Variants in ASB2 observed in about 807,000 individuals in gnomAD.
ASB2 encodes ankyrin repeat and SOCS box containing 2.
In ASB2, 58 loss-of-function variants were observed where a neutral mutation model predicts 62.4. That is an observed-to-expected ratio of 0.93 (90% CI 0.75 to 1.16). The LOEUF (loss-of-function observed/expected upper bound fraction) is 1.16. Ranked by LOEUF, ASB2 falls within the 50% of genes most tolerant of loss-of-function variation. The pLI, the probability that ASB2 is intolerant of heterozygous loss-of-function variation, is 0.00. For missense variants in ASB2, 928 were observed against 887.9 expected, an observed-to-expected ratio of 1.05 and a Z score of -0.57; for synonymous variants, 386 against 385.3, an observed-to-expected ratio of 1.00 and a Z score of -0.02.
At chr14:93,956,674 C>T (rs1889221134) in intron 3 of ASB2, 92 bp downstream of exon 3, 1 of 1,549,428 alleles carries the variant, frequency 6.5e-7, no homozygotes, top group African/African-American at 1.4e-5. Flanking sequence ...CTCTGCCCTC[C>T]TGGGGGCTGT....
Position 93,962,154 on chromosome 14 carries a change from G to A in ASB2, c.206+2180C>T, listed in dbSNP as rs552365074. Among the ~76,000 whole-genome samples, 17 of 95,948 alleles carry A rather than the reference G, an allele frequency of 1.8e-4. No individual in the cohort carries two copies. In the East Asian group the frequency reaches 2.6e-3, roughly 15 times the overall value. 62.9% of individuals were successfully genotyped at this position (95,948 alleles called of 152,430 possible). On this transcript the variant is annotated intron_variant, in intron 2 of 9. Transcript: ENST00000555019. ...TTTTGAGATGGAGTCTCGCTCTGTC[G>A]CCCAGGCTGGAGTGCAGTGGCGGGA...
chr14:93,972,022 T>C (rs1889769346), intron 1 of ASB2, among the ~76,000 whole-genome samples: 1 of 148,256 alleles, frequency 6.7e-6, no homozygotes, highest in African/African-American at 2.4e-5. Context: ...TAGGTAATTA[T>C]ATATTTTTAT....
chr14:93,943,795 T>C (rs1471078676), intron 7 of ASB2: 2 of 365,280 alleles, frequency 5.5e-6, no homozygotes, highest in South Asian at 2.1e-5. Flanking sequence ...GTTTCTCTTT[T>C]AACTAATGGG....
chr14:93,967,565 G>A (rs1402357370), intron 1 of ASB2, among the ~76,000 whole-genome samples: 2 of 152,212 alleles, frequency 1.3e-5, no homozygotes, highest in Non-Finnish European at 2.9e-5. Context: ...TAAGGCCAAA[G>A]TGCTTTGTGA....
chr14:93,950,109 G>A (rs1888896570), intron 6 of ASB2, among the ~76,000 whole-genome samples: 1 of 152,126 alleles, frequency 6.6e-6, no homozygotes, highest in African/African-American at 2.4e-5. Context: ...CTATAAAATG[G>A]GACGAGCATA....
chr14:93,941,508 A>G (rs922616189), intron 7 of ASB2: 1 of 372,658 alleles, frequency 2.7e-6, no homozygotes, highest in African/African-American at 2.1e-5. Context: ...TAAAACCTCA[A>G]AAGGAAATTC....
chr14:93,954,433 A>G lies in ASB2; in HGVS notation c.362T>C (p.Leu121Ser). Residue 121 changes from leucine (L) to serine (S), a missense_variant, in exon 4 of 10, where the codon TTG becomes TCG. Leu to Ser is a moderately radical substitution (Grantham distance 145, BLOSUM62 -2). Coordinates refer to ENST00000555019, the MANE Select transcript of ASB2 (RefSeq NM_001202429.2). Reference protein sequence around the residue: ...KAIKDGDEEALKTMIKEGKNL... With the variant: ...KAIKDGDEEASKTMIKEGKNL... ...CTTCCCTTCCTTGATCATGGTCTTC[A>G]AGGCCTCTTCATCGCCATCCTTGAT... 1 of 1,614,168 alleles carries G rather than the reference A, an allele frequency of 6.2e-7. No homozygotes were observed. Among genetic ancestry groups the G allele is most frequent in the Non-Finnish European group, 8.5e-7 (1 of 1,180,010 alleles).
chr14:93,954,900 C>T (rs1285962682), intron 3 of ASB2, among the ~76,000 whole-genome samples: 3 of 152,064 alleles, frequency 2.0e-5, no homozygotes, highest in Admixed American at 6.5e-5. Flanking sequence ...CTTGCCCTGT[C>T]GCTTATTCCT....
At chr14:93,949,838 T>C (rs1888885574) in intron 6 of ASB2, among the ~76,000 whole-genome samples, 1 of 152,162 alleles carries the variant, frequency 6.6e-6, no homozygotes, top group South Asian at 2.1e-4. Flanking sequence ...ACCCTGCCTG[T>C]GCCCCTTTGT....
chr14:93,967,302 C>T (rs546138380), intron 1 of ASB2, among the ~76,000 whole-genome samples: 5 of 151,996 alleles, frequency 3.3e-5, no homozygotes, highest in East Asian at 1.9e-4. Context: ...CCTTCAGTGG[C>T]GGGGGGAAGG....
Position 93,961,857 on chromosome 14 carries a change from G to A in ASB2, c.206+2477C>T, listed in dbSNP as rs576693166. Among the ~76,000 whole-genome samples, 115 of 152,320 alleles carry A rather than the reference G, an allele frequency of 7.5e-4. 1 individual carries two copies. The highest frequency in any genetic ancestry group is 7.5e-3 in the Admixed American group (115 of 15,306). On this transcript the variant is annotated intron_variant, in intron 2 of 9. Coordinates refer to ENST00000555019, the MANE Select transcript of ASB2 (RefSeq NM_001202429.2). ...AATGAGGTCAAAACTTCACCTCAAG[G>A]TGGGGTAGGGGAAGGAAACAGAGGC...
At chr14:93,935,902 TA>T (rs1888257085) in intron 9 of ASB2, among the ~76,000 whole-genome samples, 1 of 152,226 alleles carries the variant, frequency 6.6e-6, no homozygotes, top group South Asian at 2.1e-4. Flanking sequence ...TACTATCTCC[TA>T]AATGCTGTGG....
intron 1 of ASB2, among the ~76,000 whole-genome samples, chr14:93,966,041 A>G: frequency 6.6e-6 from 1 of 152,236 alleles, no homozygotes; most frequent in East Asian, 1.9e-4. Flanking sequence ...TTCTGGGAAG[A>G]GGAACTTCTC....
In ASB2 at chr14:93,939,502, T is replaced by G; in HGVS notation, c.1223A>C (p.Glu408Ala). 2 of 1,608,844 alleles carry G rather than the reference T, an allele frequency of 1.2e-6. No homozygotes were observed. The highest frequency in any genetic ancestry group is 2.2e-5 in the South Asian group (2 of 90,832). The change falls in exon 8 of 10, where the codon GAA becomes GCA. Residue 408 changes from glutamate (E) to alanine (A), a missense_variant. Glu to Ala is a moderately radical substitution (Grantham distance 107). Transcript: ENST00000555019. ...PLAPERARLY[E>A]DRRSSALYFA... ...GTACAGCGCGGAGCTGCGCCGGTCT[T>G]CGTAGAGGCGCGCGCGCTCGGGGGC... is the stretch of plus-strand genomic sequence containing the variant.
chr14:93,937,605 C>T, intron 9 of ASB2, 93 bp downstream of exon 9: 1 of 1,294,152 alleles, frequency 7.7e-7, no homozygotes, highest in Non-Finnish European at 1.1e-6. Context: ...AGCAGGTGCT[C>T]ACAGGGTTAG....
Position 93,939,104 on chromosome 14 carries a change from C to A in ASB2, c.1617+4G>T, listed in dbSNP as rs776225083. The A allele has an allele frequency of 2.0e-6, 3 of 1,472,188 alleles. No individual in the cohort carries two copies. The African/African-American group carries it at 4.3e-5, about 21-fold the overall frequency. 91.2% of individuals were successfully genotyped at this position (1,472,188 alleles called of 1,614,324 possible). A position where few individuals can be genotyped will look rare whatever the true frequency, so the allele number is the denominator to read the frequency against. The stretch of plus-strand genomic sequence containing the variant: ...GCTCCCCACCGCCAGCGTGCGCTGC[C>A]CACCTGCACCACGCTGGGCTCCTTG... On this transcript the variant is annotated splice_donor_region_variant and intron_variant, in intron 8 of 9. Transcript: ENST00000555019.
chr14:93,975,597 T>C (rs905362213), intron 1 of ASB2, among the ~76,000 whole-genome samples: 11 of 152,328 alleles, frequency 7.2e-5, no homozygotes, highest in African/African-American at 2.6e-4. Flanking sequence ...TGTTCCAACT[T>C]CTTGCTTGGC....
At chr14:93,957,017 G>T in intron 2 of ASB2, 147 bp from the exon 3 acceptor site, 1 of 1,533,126 alleles carries the variant, frequency 6.5e-7, no homozygotes, top group Non-Finnish European at 8.8e-7. Flanking sequence ...GCAGATGGCC[G>T]GGTCCTCTGT....
chr14:93,941,084 C>G (rs903499048), intron 7 of ASB2: 4 of 152,664 alleles, frequency 2.6e-5, no homozygotes, highest in African/African-American at 9.7e-5. Context: ...GGCCTGTGGC[C>G]TTCTTTTTAA....
Sources: allele counts gnomAD v4.1 joint callset (sites outside exome capture counted in the v4.1 genomes callset), GRCh38; gene constraint gnomAD v4.1.1; transcripts MANE v1.5; gene names NCBI Gene and HGNC (gene_info 2026-07-23, HGNC 2026-07-21).